Variants in PCDHA3 observed in about 807,000 individuals in gnomAD.
PCDHA3 encodes the protein protocadherin alpha-3.
In PCDHA3, 41 loss-of-function variants were observed where a neutral mutation model predicts 62.2. The observed-to-expected ratio is 0.66, with a 90% CI of 0.51 to 0.86. The LOEUF (loss-of-function observed/expected upper bound fraction) is 0.86, where lower values mean the gene tolerates loss of function less well. Ranked by LOEUF, PCDHA3 falls within the 40% of genes least tolerant of loss-of-function variation. The pLI, the probability that PCDHA3 is intolerant of heterozygous loss-of-function variation, is 0.00. For synonymous variants in PCDHA3, 640 were observed against 555.4 expected (o/e 1.15, Z -2.14); for missense variants, 1,304 against 1,241.2 (o/e 1.05, Z -0.76).
intron 1 of PCDHA3, among the ~76,000 whole-genome samples, chr5:140,961,917 T>G (rs2095643057): frequency 6.6e-6 from 1 of 151,470 alleles, no homozygotes; most frequent in Non-Finnish European, 1.5e-5. Flanking sequence ...GGAGTCTCGC[T>G]CTGTTGCCCA....
At chr5:140,892,896 C>T (rs1489868294) in intron 1 of PCDHA3, among the ~76,000 whole-genome samples, 1 of 152,112 alleles carries the variant, frequency 6.6e-6, no homozygotes, top group Non-Finnish European at 1.5e-5. Flanking sequence ...CCAACCTTTC[C>T]CCATCCTCCT....
chr5:140,939,018 T>G (rs1554212547), intron 1 of PCDHA3, among the ~76,000 whole-genome samples: 1 of 152,228 alleles, frequency 6.6e-6, no homozygotes, highest in Non-Finnish European at 1.5e-5. Context: ...TTACTTTTCT[T>G]TTACTTATTC....
intron 1 of PCDHA3, among the ~76,000 whole-genome samples, chr5:140,911,106 G>T (rs192768876): frequency 6.6e-6 from 1 of 152,214 alleles, no homozygotes; most frequent in Non-Finnish European, 1.5e-5. Flanking sequence ...TGCCTCAGGG[G>T]AAGCCATCAC....
intron 1 of PCDHA3, among the ~76,000 whole-genome samples, chr5:140,960,147 T>C (rs2095529138): frequency 6.6e-6 from 1 of 152,322 alleles, no homozygotes; most frequent in Admixed American, 6.5e-5. Context: ...TATTAATAGC[T>C]TGAGACTGAT....
intron 1 of PCDHA3, among the ~76,000 whole-genome samples, chr5:140,844,660 A>G (rs1779489979): frequency 1.3e-5 from 2 of 149,622 alleles, no homozygotes; most frequent in African/African-American, 4.9e-5. Flanking sequence ...TGCAAACCAA[A>G]CATATAATTT....
chr5:140,908,861 T>C (rs1554193539), intron 1 of PCDHA3, among the ~76,000 whole-genome samples: 1 of 152,160 alleles, frequency 6.6e-6, no homozygotes, highest in Admixed American at 6.5e-5. Flanking sequence ...AAATGAGGAA[T>C]GTGTTGCCTC....
intron 1 of PCDHA3, chr5:140,861,826 A>T (rs1350185354): frequency 1.9e-5 from 3 of 159,376 alleles, no homozygotes; most frequent in African/African-American, 7.2e-5. Flanking sequence ...CAGATAGGTA[A>T]GTCACTTCAG....
chr5:140,858,642 T>C, intron 1 of PCDHA3: 1 of 930,744 alleles, frequency 1.1e-6, no homozygotes, highest in South Asian at 1.9e-5. Context: ...CTTTGATTGG[T>C]ACTTAAATTT....
chr5:140,984,091 T>G (rs1357477287), intron 3 of PCDHA3, among the ~76,000 whole-genome samples: 1 of 152,204 alleles, frequency 6.6e-6, no homozygotes. Context: ...GAAGAAATGA[T>G]GGAGGAGGAA....
intron 1 of PCDHA3, chr5:140,822,264 AAATGCACAATTGAGATACAGGTTAAATCC>A: frequency 6.2e-7 from 1 of 1,614,278 alleles, no homozygotes; most frequent in African/African-American, 1.3e-5. Context: ...ATATTGGAGC[AAATGCACAATTGAGATACAGGTTAAATCC>A]AAACGAATAT....
chr5:140,861,872 G>T (rs1554155357), intron 1 of PCDHA3: 1 of 155,960 alleles, frequency 6.4e-6, no homozygotes, highest in Non-Finnish European at 1.4e-5. Context: ...TGATGGGGGC[G>T]AAGCTGAGCT....
chr5:140,863,194 T>C (rs537580785), intron 1 of PCDHA3: 17 of 849,862 alleles, frequency 2.0e-5, no homozygotes, highest in African/African-American at 1.9e-4. Flanking sequence ...CGTGGTGGCG[T>C]CGCTGGCGGA....
At chr5:140,939,789 A>T (rs1259994967) in intron 1 of PCDHA3, among the ~76,000 whole-genome samples, 1 of 152,246 alleles carries the variant, frequency 6.6e-6, no homozygotes, top group African/African-American at 2.4e-5. Flanking sequence ...GTCAATTTCT[A>T]TAAATGTTCT....
intron 1 of PCDHA3, chr5:140,836,407 C>A: frequency 6.2e-7 from 1 of 1,613,770 alleles, no homozygotes; most frequent in Non-Finnish European, 8.5e-7. Context: ...AGCGGCCAGG[C>A]ACCAAAGGCG....
In PCDHA3 at chr5:140,802,100, A is replaced by G; in HGVS notation, c.903A>G (p.Gln301=). Reference sequence around the variant, plus strand: ...TCCATTTAGATCCAGTCAATGGACAAATCAGTGTAAAGGGTAACATAGATT... The same window carrying G: ...TCCATTTAGATCCAGTCAATGGACAGATCAGTGTAAAGGGTAACATAGATT... ...SKFHLDPVNG[Q]ISVKGNIDFE... The change falls in exon 1 of 4, where the codon CAA becomes CAG. Residue 301 remains glutamine, a synonymous_variant. Transcript: ENST00000522353. 1 of 1,614,234 alleles carries G rather than the reference A, an allele frequency of 6.2e-7. No individual in the cohort carries two copies. The highest frequency in any genetic ancestry group is 2.2e-5 in the East Asian group (1 of 44,894).
chr5:140,851,549 T>A (rs2042091129), intron 1 of PCDHA3: 1 of 908,826 alleles, frequency 1.1e-6, no homozygotes, highest in African/African-American at 1.8e-5. Flanking sequence ...ATTCAAGAAA[T>A]GTTGACTGAA....
chr5:140,877,324 G>C (rs782336745), intron 1 of PCDHA3: 3 of 1,613,990 alleles, frequency 1.9e-6, no homozygotes, highest in Non-Finnish European at 2.5e-6. Context: ...GGCGGTCGGC[G>C]CGCACATCCC....
intron 1 of PCDHA3, among the ~76,000 whole-genome samples, chr5:140,961,366 C>T (rs1384222732): frequency 6.6e-6 from 1 of 152,144 alleles, no homozygotes; most frequent in Non-Finnish European, 1.5e-5. Context: ...CATTAGAATT[C>T]TCCTTCTAGT....
rs2150519763 is a variant in PCDHA3 at position 140,852,589 on chromosome 5, T to A, written c.2394+48998T>A. The A allele has an allele frequency of 2.2e-3, 1,950 of 884,634 alleles. 113 individuals are homozygous for A. Among genetic ancestry groups the A allele is most frequent in the South Asian group, 8.1e-3 (160 of 19,680 alleles). 54.8% of individuals were successfully genotyped at this position (884,634 alleles called of 1,614,324 possible). A position where few individuals can be genotyped will look rare whatever the true frequency, so the allele number is the denominator to read the frequency against. On this transcript the variant is annotated intron_variant, in intron 1 of 3. Coordinates refer to ENST00000522353, the MANE Select transcript of PCDHA3 (RefSeq NM_018906.3). Reference sequence around the variant, plus strand: ...CTGTGCCAAGGCTTTTTTATTTTTTTTTTTTGTCATTTTCTTTCAAAACTT... The same window carrying A: ...CTGTGCCAAGGCTTTTTTATTTTTTATTTTTGTCATTTTCTTTCAAAACTT...
Sources: allele counts gnomAD v4.1 joint callset (sites outside exome capture counted in the v4.1 genomes callset), GRCh38; gene constraint gnomAD v4.1.1; transcripts MANE v1.5; gene names NCBI Gene and HGNC (gene_info 2026-07-23, HGNC 2026-07-21).